GLG1: variants seen among roughly 807,000 people sequenced by gnomAD.
GLG1 encodes the protein Golgi apparatus protein 1.
In GLG1, 38 loss-of-function variants were observed where a neutral mutation model predicts 160.5. The observed-to-expected ratio is 0.24, with a 90% CI of 0.18 to 0.31. The LOEUF is 0.31. Among genes scored for constraint, GLG1 ranks in the 10% least tolerant of loss-of-function variants. GLG1 has a pLI of 1.00. For synonymous variants in GLG1, 644 were observed against 543.4 expected, an observed-to-expected ratio of 1.19 and a Z score of -2.57; for missense variants, 1,373 against 1,505.2, an observed-to-expected ratio of 0.91 and a Z score of 1.45.
rs561592954 is a variant in GLG1 at position 74,504,342 on chromosome 16, G to A, written c.559-596C>T. On this transcript the variant is annotated intron_variant, in intron 3 of 25. Transcript: ENST00000422840. ...TTGCTCTGTCGCCCAGGCTGGAGTG[G>A]AATGACATGATCTCGGCTCACTGAA... Among the ~76,000 whole-genome samples, 290 of 152,220 alleles carry A rather than the reference G, an allele frequency of 1.9e-3. 1 individual carries two copies. Among genetic ancestry groups the A allele is most frequent in the Non-Finnish European group, 3.3e-3 (222 of 68,006 alleles).
rs950066209 is a variant in GLG1, at chr16:74,452,960, C to T, written c.*207G>A. On this transcript the variant is annotated 3_prime_UTR_variant, in exon 26 of 26. Transcript: ENST00000422840. Reference sequence around the variant, plus strand: ...CAAACAAAGGCAGTAACCCCAGCGACCAGCTGCTGCTGCTGCACGGTGAGG... The same window carrying T: ...CAAACAAAGGCAGTAACCCCAGCGATCAGCTGCTGCTGCTGCACGGTGAGG... The T allele has an allele frequency of 3.9e-6, 5 of 1,266,052 alleles. No individual in the cohort carries two copies. The highest frequency in any genetic ancestry group is 1.5e-5 in the African/African-American group (1 of 65,354). The allele number at this position is 1,266,052 out of a possible 1,614,324, so 78.4% of individuals were successfully genotyped here.
At chr16:74,458,456 G>A (rs1055910450) in intron 23 of GLG1, among the ~76,000 whole-genome samples, 13 of 152,088 alleles carry the variant, frequency 8.5e-5, no homozygotes, top group East Asian at 3.9e-4. Context: ...TTGGGAGGCC[G>A]AGGTAGGAGT....
intron 19 of GLG1, among the ~76,000 whole-genome samples, chr16:74,464,551 CCTAGTTCTGTTT>C (rs1156577140): frequency 4.6e-5 from 7 of 152,208 alleles, no homozygotes; most frequent in African/African-American, 1.7e-4. Context: ...AGCCTCTCTT[CCTAGTTCTGTTT>C]CTAGTTCTCT....
At chr16:74,495,027 C>G (rs1597265653) in intron 5 of GLG1, among the ~76,000 whole-genome samples, 196 bp from the exon 6 acceptor site, 1 of 151,764 alleles carries the variant, frequency 6.6e-6, no homozygotes, top group Non-Finnish European at 1.5e-5. Context: ...AAAATATTCC[C>G]ATGATATTTG....
At chr16:74,528,297 G>A (rs908478154) in intron 2 of GLG1, among the ~76,000 whole-genome samples, 1 of 151,852 alleles carries the variant, frequency 6.6e-6, no homozygotes, top group African/African-American at 2.4e-5. Flanking sequence ...CACGGTGCCT[G>A]GCCTATTTTC....
At chr16:74,503,307 C>T (rs1402759056) in intron 4 of GLG1, among the ~76,000 whole-genome samples, 1 of 152,112 alleles carries the variant, frequency 6.6e-6, no homozygotes, top group Non-Finnish European at 1.5e-5. Context: ...CCACTCTTTG[C>T]AGGTATTAAT....
intron 1 of GLG1, among the ~76,000 whole-genome samples, chr16:74,541,335 A>AAC (rs2017862304): frequency 6.6e-6 from 1 of 151,836 alleles, no homozygotes; most frequent in African/African-American, 2.4e-5. Flanking sequence ...AAAAAAAAAA[A>AAC]AAAAAAAAAG....
intron 13 of GLG1, chr16:74,472,832 G>A (rs926420559): frequency 6.1e-6 from 2 of 330,236 alleles, no homozygotes; most frequent in Middle Eastern, 2.2e-3. Context: ...CCAAACCACT[G>A]TTACTGGGGA....
intron 13 of GLG1, chr16:74,472,658 T>G (rs919221797): frequency 2.0e-6 from 2 of 979,438 alleles, no homozygotes; most frequent in Non-Finnish European, 3.0e-6. Context: ...AAGGCAGAAT[T>G]AAGAAAAGTG....
Position 74,452,426 on chromosome 16 carries a change from T to G in GLG1, c.*741A>C, listed in dbSNP as rs1035139961. 34 of 1,160,156 alleles carry G rather than the reference T, an allele frequency of 2.9e-5. No homozygotes were observed. In the African/African-American group the frequency reaches 3.9e-4, roughly 13 times the overall value. The allele number at this position is 1,160,156 out of a possible 1,614,324, so 71.9% of individuals were successfully genotyped here. On this transcript the variant is annotated 3_prime_UTR_variant, in exon 26 of 26. Coordinates refer to ENST00000422840, the MANE Select transcript of GLG1 (RefSeq NM_001145667.2). ...CTTCCGGTCCCTTCCCCTCCCCAGCTGCCCTTGTCTAGGAAGGCTCATGCT... is the reference window on the plus strand; with the variant it reads ...CTTCCGGTCCCTTCCCCTCCCCAGCGGCCCTTGTCTAGGAAGGCTCATGCT...
intron 1 of GLG1, among the ~76,000 whole-genome samples, chr16:74,550,906 C>G (rs912473498): frequency 3.3e-5 from 5 of 152,130 alleles, no homozygotes; most frequent in East Asian, 1.9e-4. Flanking sequence ...TCTTATTCCT[C>G]TCGAGCCACC....
Position 74,493,012 on chromosome 16 carries a change from C to A in GLG1, c.1179G>T (p.Ser393=). 2 of 1,613,856 alleles carry A rather than the reference C, an allele frequency of 1.2e-6. No individual in the cohort carries two copies. Among genetic ancestry groups the A allele is most frequent in the Non-Finnish European group, 8.5e-7 (1 of 1,179,850 alleles). The change falls in exon 7 of 26, where the codon TCG becomes TCT. Residue 393 remains serine, a synonymous_variant. Coordinates refer to ENST00000422840, the MANE Select transcript of GLG1 (RefSeq NM_001145667.2). ...ACAAGTAGGAGAGCCTGGCTTCACG[C>A]GATCGCGGAAGGTTTTCCACATTGC... ...YRCNVENLPR[S]REARLSYLLM... is the part of the protein sequence containing the mutation.
intron 1 of GLG1, among the ~76,000 whole-genome samples, chr16:74,532,410 G>A (rs1478592099): frequency 6.6e-6 from 1 of 152,082 alleles, no homozygotes; most frequent in African/African-American, 2.4e-5. Context: ...GGGGAGAATG[G>A]AGAAGAATAT....
At chr16:74,488,893 A>G (rs564265332) in intron 8 of GLG1, among the ~76,000 whole-genome samples, 5 of 152,234 alleles carry the variant, frequency 3.3e-5, no homozygotes, top group South Asian at 4.1e-4. Flanking sequence ...TTCTGGGATT[A>G]CAGGTGTGAG....
intron 2 of GLG1, among the ~76,000 whole-genome samples, chr16:74,522,515 T>C (rs1284035740): frequency 6.6e-6 from 1 of 152,362 alleles, no homozygotes; most frequent in South Asian, 2.1e-4. Flanking sequence ...GACGTCATCT[T>C]TGAGACATGG....
intron 1 of GLG1, among the ~76,000 whole-genome samples, chr16:74,532,522 A>T (rs2017570102): frequency 6.6e-6 from 1 of 152,090 alleles, no homozygotes; most frequent in Non-Finnish European, 1.5e-5. Context: ...ATTTTTATTT[A>T]TTTATTTTTT....
chr16:74,575,732 C>T (rs566689542), intron 1 of GLG1, among the ~76,000 whole-genome samples: 1 of 152,220 alleles, frequency 6.6e-6, no homozygotes, highest in African/African-American at 2.4e-5. Context: ...CGCAGTAGCT[C>T]GCTCTTTATT....
At chr16:74,583,129 A>G (rs1484252622) in intron 1 of GLG1, among the ~76,000 whole-genome samples, 1 of 152,054 alleles carries the variant, frequency 6.6e-6, no homozygotes, top group Admixed American at 6.6e-5. Context: ...CCAACCCTTC[A>G]TCGCAAGCTG....
At chr16:74,584,969 G>C (rs1174090680) in intron 1 of GLG1, among the ~76,000 whole-genome samples, 2 of 152,006 alleles carry the variant, frequency 1.3e-5, no homozygotes. Flanking sequence ...CAATGCTCGA[G>C]TAATGGGTGG....
Sources: allele counts gnomAD v4.1 joint callset (sites outside exome capture counted in the v4.1 genomes callset), GRCh38; gene constraint gnomAD v4.1.1; transcripts MANE v1.5; gene names NCBI Gene and HGNC (gene_info 2026-07-23, HGNC 2026-07-21).